CFAP61: variants seen among roughly 807,000 people sequenced by gnomAD.
CFAP61 encodes cilia- and flagella-associated protein 61.
CFAP61 carries 107 observed loss-of-function variants against 135.6 expected under a neutral mutation model. That is an observed-to-expected ratio of 0.79 (90% CI 0.67 to 0.93). The LOEUF (loss-of-function observed/expected upper bound fraction) is 0.93, where lower values mean the gene tolerates loss of function less well. Among genes scored for constraint, CFAP61 ranks in the 40% least tolerant of loss-of-function variants. The probability of loss-of-function intolerance (pLI) is 0.00; values close to 1 mark genes in which losing one functional copy is unlikely to be tolerated. For missense variants in CFAP61, 1,507 were observed against 1,556.2 expected (o/e 0.97, Z 0.53); for synonymous variants, 575 against 578.5 (o/e 0.99, Z 0.09).
intron 26 of CFAP61, among the ~76,000 whole-genome samples, chr20:20,345,686 C>T (rs558484913): frequency 1.2e-4 from 18 of 152,052 alleles, no homozygotes; most frequent in African/African-American, 4.3e-4. Context: ...TCTGGGAGGA[C>T]AAGGCAGGCA....
chr20:20,327,943 G>A (rs1470524019), intron 25 of CFAP61, among the ~76,000 whole-genome samples: 2 of 152,130 alleles, frequency 1.3e-5, no homozygotes, highest in East Asian at 3.8e-4. Flanking sequence ...GCACTCATCT[G>A]CCCCGGGTGA....
chr20:20,185,645 G>A (rs531011771), intron 13 of CFAP61, among the ~76,000 whole-genome samples: 19 of 152,176 alleles, frequency 1.2e-4, no homozygotes, highest in African/African-American at 4.3e-4. Flanking sequence ...TTTGGGGGAT[G>A]TAGTGTACTT....
At chr20:20,339,945 T>C (rs1027452122) in intron 25 of CFAP61, among the ~76,000 whole-genome samples, 6 of 152,248 alleles carry the variant, frequency 3.9e-5, no homozygotes, top group Non-Finnish European at 7.3e-5. Flanking sequence ...TGCTGTAGGA[T>C]GATTTTAGGA....
chr20:20,182,392 A>C (rs1321059236), intron 13 of CFAP61, among the ~76,000 whole-genome samples: 1 of 152,238 alleles, frequency 6.6e-6, no homozygotes, highest in Non-Finnish European at 1.5e-5. Context: ...ACACAGATGA[A>C]GGTCTCCATA....
intron 6 of CFAP61, chr20:20,085,187 A>G (rs1036460927): frequency 1.5e-5 from 15 of 985,400 alleles, no homozygotes; most frequent in African/African-American, 1.7e-5. Flanking sequence ...TGCGGTGCCA[A>G]ATTCACAGTG....
At chr20:20,102,483 G>A (rs2048100960) in intron 8 of CFAP61, among the ~76,000 whole-genome samples, 1 of 152,140 alleles carries the variant, frequency 6.6e-6, no homozygotes, top group African/African-American at 2.4e-5. Context: ...CACATGTGTT[G>A]TTGTTTTTTA....
At chr20:20,273,063 T>C (rs2053484850) in intron 21 of CFAP61, among the ~76,000 whole-genome samples, 1 of 140,176 alleles carries the variant, frequency 7.1e-6, no homozygotes, top group Admixed American at 7.1e-5. Context: ...TTTTTTTTTG[T>C]AGAGACAGGG....
Position 20,164,247 on chromosome 20 carries a change from G to A in CFAP61, c.1205+19G>A. On this transcript the variant is annotated intron_variant, in intron 11 of 26. Transcript: ENST00000245957. ...AAGCAAGGCAAGTACTGACCTTCTG[G>A]CTGGCTGTCACAGTGAGAATCTTTT... 6.3e-7 allele frequency: 1 copy of A among 1,589,510 alleles called. No individual in the cohort carries two copies. The highest frequency in any genetic ancestry group is 8.6e-7 in the Non-Finnish European group (1 of 1,165,320).
Position 20,070,838 on chromosome 20 carries a change from G to A in CFAP61, c.144-16G>A, listed in dbSNP as rs2045654388. On this transcript the variant is annotated splice_polypyrimidine_tract_variant and intron_variant, in intron 2 of 26. Transcript: ENST00000245957. ...TGTAATCTTATTCATGTTTGCAATT[G>A]TAATCATTTCTGCAGAGAAAAGGCC... 3.7e-6 allele frequency: 6 copies of A among 1,606,270 alleles called. No individual in the cohort carries two copies. Among genetic ancestry groups the A allele is most frequent in the Non-Finnish European group, 5.1e-6 (6 of 1,176,862 alleles).
intron 2 of CFAP61, among the ~76,000 whole-genome samples, chr20:20,061,331 A>T (rs549720554): frequency 2.6e-4 from 39 of 152,364 alleles, no homozygotes; most frequent in African/African-American, 9.4e-4. Context: ...ATCAGCAATC[A>T]TAATAAATGC....
At chr20:20,119,719 G>A (rs988504520) in intron 8 of CFAP61, among the ~76,000 whole-genome samples, 9 of 152,008 alleles carry the variant, frequency 5.9e-5, no homozygotes, top group Non-Finnish European at 1.3e-4. Context: ...GGGGTTTGTT[G>A]GACAGCTTAT....
intron 8 of CFAP61, among the ~76,000 whole-genome samples, chr20:20,138,638 T>A (rs986731169): frequency 6.6e-6 from 1 of 152,242 alleles, no homozygotes; most frequent in Non-Finnish European, 1.5e-5. Flanking sequence ...AGTGCCTCTT[T>A]CAGTGATATG....
At chr20:20,232,501 C>A (rs182033743) in intron 18 of CFAP61, among the ~76,000 whole-genome samples, 1 of 152,134 alleles carries the variant, frequency 6.6e-6, no homozygotes, top group Non-Finnish European at 1.5e-5. Context: ...ATTGATATCA[C>A]CTGTGAGTTC....
intron 8 of CFAP61, among the ~76,000 whole-genome samples, chr20:20,119,423 G>A (rs992475733): frequency 2.6e-5 from 4 of 151,922 alleles, no homozygotes; most frequent in South Asian, 2.1e-4. Context: ...TAATATTCTC[G>A]AATGATCCTT....
At chr20:20,067,321 G>A (rs908079875) in intron 2 of CFAP61, among the ~76,000 whole-genome samples, 1 of 152,048 alleles carries the variant, frequency 6.6e-6, no homozygotes, top group South Asian at 2.1e-4. Context: ...GGTAGCTCAC[G>A]CCTGTAATCC....
intron 6 of CFAP61, among the ~76,000 whole-genome samples, chr20:20,076,915 G>T (rs549696898): frequency 1.3e-5 from 2 of 152,102 alleles, no homozygotes; most frequent in Admixed American, 1.3e-4. Context: ...GGGTGTAAGC[G>T]TATTGTCTAC....
intron 20 of CFAP61, chr20:20,258,406 C>T (rs10485597): frequency 6.6e-6 from 1 of 152,006 alleles, no homozygotes; most frequent in African/African-American, 2.4e-5. Flanking sequence ...AGTGTACTTG[C>T]AATATGACCT....
chr20:20,301,433 A>T (rs1254737276), intron 25 of CFAP61, among the ~76,000 whole-genome samples: 1 of 152,076 alleles, frequency 6.6e-6, no homozygotes, highest in East Asian at 1.9e-4. Context: ...GTTTCTCAGG[A>T]CCTATTCCCA....
intron 8 of CFAP61, among the ~76,000 whole-genome samples, chr20:20,114,257 G>A (rs1438811628): frequency 6.6e-6 from 1 of 152,166 alleles, no homozygotes; most frequent in Non-Finnish European, 1.5e-5. Context: ...GCAGCAGAGT[G>A]AGGCCCTGTC....
Sources: gnomAD v4.1 joint callset for allele counts (sites outside exome capture counted in the v4.1 genomes callset) on GRCh38, gnomAD v4.1.1 for gene constraint, MANE v1.5 for transcripts, NCBI Gene and HGNC (gene_info 2026-07-23, HGNC 2026-07-21) for gene names.